MECOM: variants seen among roughly 807,000 people sequenced by gnomAD.
The protein encoded by MECOM is MDS1 and EVI1 complex locus.
Under a neutral mutation model 116.3 loss-of-function variants are expected in MECOM, and 13 were observed. The observed-to-expected ratio is 0.11, with a 90% CI of 0.07 to 0.18. The LOEUF (loss-of-function observed/expected upper bound fraction) is 0.18, where lower values mean the gene tolerates loss of function less well. Among genes scored for constraint, MECOM ranks in the 10% least tolerant of loss-of-function variants. The pLI, the probability that MECOM is intolerant of heterozygous loss-of-function variation, is 1.00. For missense variants in MECOM, 1,299 were observed against 1,509.0 expected (o/e 0.86, Z 2.31); for synonymous variants, 528 against 535.2 (o/e 0.99, Z 0.19).
At chr3:169,407,474 A>G (rs1355101437) in intron 1 of MECOM, among the ~76,000 whole-genome samples, 1 of 152,216 alleles carries the variant, frequency 6.6e-6, no homozygotes, top group African/African-American at 2.4e-5. Context: ...ATTTATTATT[A>G]CTGTAATAGA....
chr3:169,444,759 T>C (rs1284664281), intron 1 of MECOM, among the ~76,000 whole-genome samples: 4 of 152,042 alleles, frequency 2.6e-5, no homozygotes, highest in Non-Finnish European at 4.4e-5. Context: ...GACAGGACAA[T>C]GTGGGAAAGC....
intron 9 of MECOM, among the ~76,000 whole-genome samples, chr3:169,112,400 C>T (rs367898724): frequency 5.3e-5 from 8 of 152,004 alleles, no homozygotes; most frequent in South Asian, 2.1e-4. Context: ...TATCTAAGCC[C>T]GAAAAGAACA....
At chr3:169,440,642 C>A (rs1008863356) in intron 1 of MECOM, among the ~76,000 whole-genome samples, 2 of 152,120 alleles carry the variant, frequency 1.3e-5, no homozygotes, top group Admixed American at 6.6e-5. Context: ...TATTTTATGT[C>A]AAGTTACAAT....
intron 2 of MECOM, among the ~76,000 whole-genome samples, chr3:169,165,369 C>T (rs974990276): frequency 6.6e-6 from 1 of 152,030 alleles, no homozygotes; most frequent in African/African-American, 2.4e-5. Context: ...TGCAATTGTA[C>T]CGGATGGTCA....
intron 2 of MECOM, among the ~76,000 whole-genome samples, chr3:169,208,483 C>G (rs1043203939): frequency 6.6e-6 from 1 of 151,740 alleles, no homozygotes; most frequent in African/African-American, 2.4e-5. Flanking sequence ...AGGAAAGACA[C>G]AGTGGGATTT....
At chr3:169,109,633 G>A (rs986084661) in intron 9 of MECOM, among the ~76,000 whole-genome samples, 4 of 152,154 alleles carry the variant, frequency 2.6e-5, no homozygotes, top group African/African-American at 4.8e-5. Flanking sequence ...TCAGGCTGCT[G>A]TTGAACTCCT....
At chr3:169,331,418 T>C (rs1577738047) in intron 2 of MECOM, among the ~76,000 whole-genome samples, 1 of 152,048 alleles carries the variant, frequency 6.6e-6, no homozygotes, top group South Asian at 2.1e-4. Context: ...AAGATACTTG[T>C]AATACACAAC....
At chr3:169,152,548 C>T (rs1395284330) in intron 2 of MECOM, among the ~76,000 whole-genome samples, 1 of 152,166 alleles carries the variant, frequency 6.6e-6, no homozygotes, top group Non-Finnish European at 1.5e-5. Flanking sequence ...GAGGAGTAGT[C>T]CAGCACGCTT....
chr3:169,339,742 T>TA (rs766060877), intron 2 of MECOM, among the ~76,000 whole-genome samples: 9 of 152,026 alleles, frequency 5.9e-5, no homozygotes, highest in Non-Finnish European at 1.2e-4. Context: ...ACAAAACAAG[T>TA]AAAAAATGAC....
intron 1 of MECOM, among the ~76,000 whole-genome samples, chr3:169,408,857 T>C (rs897009261): frequency 4.0e-5 from 6 of 150,950 alleles, no homozygotes; most frequent in Non-Finnish European, 7.4e-5. Flanking sequence ...TTTGTGACAA[T>C]TAAAAAAAAA....
chr3:169,543,285 G>C (rs1053749523), intron 1 of MECOM, among the ~76,000 whole-genome samples: 1 of 152,170 alleles, frequency 6.6e-6, no homozygotes, highest in Non-Finnish European at 1.5e-5. Context: ...ATAAAAAAAA[G>C]TATTTGAGAC....
At chr3:169,518,693 C>T (rs1757000156) in intron 1 of MECOM, among the ~76,000 whole-genome samples, 1 of 152,126 alleles carries the variant, frequency 6.6e-6, no homozygotes, top group Non-Finnish European at 1.5e-5. Flanking sequence ...GCTGCCCCAC[C>T]CAAATCTCAT....
intron 1 of MECOM, among the ~76,000 whole-genome samples, chr3:169,585,132 G>A (rs921539803): frequency 5.3e-5 from 8 of 152,162 alleles, no homozygotes; most frequent in African/African-American, 1.9e-4. Flanking sequence ...TGGATTAGAG[G>A]TCTTAGAAAT....
At chr3:169,600,186 G>A (rs1047491238) in intron 1 of MECOM, among the ~76,000 whole-genome samples, 2 of 152,014 alleles carry the variant, frequency 1.3e-5, no homozygotes, top group Non-Finnish European at 2.9e-5. Context: ...TGGCCAGGCT[G>A]GTCTTGAACT....
chr3:169,652,354 C>G (rs1560537952), intron 1 of MECOM, among the ~76,000 whole-genome samples: 1 of 152,020 alleles, frequency 6.6e-6, no homozygotes, highest in Non-Finnish European at 1.5e-5. Flanking sequence ...TAGTTCCCAC[C>G]AAAGGTAAAG....
At chr3:169,462,842 A>T (rs962690629) in intron 1 of MECOM, among the ~76,000 whole-genome samples, 36 of 152,338 alleles carry the variant, frequency 2.4e-4, no homozygotes, top group African/African-American at 7.5e-4. Flanking sequence ...AAAATTTCTT[A>T]AAAACAAAAT....
chr3:169,527,265 A>G (rs548210425), intron 1 of MECOM, among the ~76,000 whole-genome samples: 4 of 152,340 alleles, frequency 2.6e-5, no homozygotes, highest in Non-Finnish European at 5.9e-5. Flanking sequence ...TAGGAGAAAA[A>G]GAAAAGAAAG....
intron 2 of MECOM, among the ~76,000 whole-genome samples, chr3:169,149,965 GTGTGTGTGTGTGTCTGTC>G (rs1171366283): frequency 2.7e-5 from 4 of 149,902 alleles, no homozygotes; most frequent in African/African-American, 9.9e-5. Context: ...GTGTGTGTGT[GTGTGTGTGTGTGTCTGTC>G]TGTCTGTCTG....
At chr3:169,197,552 T>C (rs1381938963) in intron 2 of MECOM, among the ~76,000 whole-genome samples, 2 of 152,072 alleles carry the variant, frequency 1.3e-5, no homozygotes, top group South Asian at 2.1e-4. Context: ...TGTTAGTGAC[T>C]ACTTCAAATG....
Sources: gnomAD v4.1 joint callset for allele counts (sites outside exome capture counted in the v4.1 genomes callset) on GRCh38, gnomAD v4.1.1 for gene constraint, MANE v1.5 for transcripts, NCBI Gene and HGNC (gene_info 2026-07-23, HGNC 2026-07-21) for gene names.